ABCC5: variants seen among roughly 807,000 people sequenced by gnomAD.
The protein encoded by ABCC5 is ATP-binding cassette sub-family C member 5.
In ABCC5, 61 loss-of-function variants were observed where a neutral mutation model predicts 160.9. The observed-to-expected ratio is 0.38, with a 90% CI of 0.31 to 0.47. The LOEUF is 0.47. Among genes scored for constraint, ABCC5 ranks in the 20% least tolerant of loss-of-function variants. The pLI, the probability that ABCC5 is intolerant of heterozygous loss-of-function variation, is 0.99. For missense variants in ABCC5, 1,308 were observed against 1,813.3 expected (o/e 0.72, Z 5.06); for synonymous variants, 666 against 700.6 (o/e 0.95, Z 0.78).
At position 183,971,871 on chromosome 3, in the gene ABCC5, T is replaced by C; in HGVS notation, c.1453A>G (p.Ser485Gly). 2 of 1,614,202 alleles carry C rather than the reference T, an allele frequency of 1.2e-6. No homozygotes were observed. The highest frequency in any genetic ancestry group is 1.7e-6 in the Non-Finnish European group (2 of 1,180,042). ...TTCATCTCTATCTTGATGTGAGGAC[T>C]GGCTGGTTTGTTCTTTATCATGTGA... is the stretch of plus-strand genomic sequence containing the variant. ...EVHMIKNKPA[S>G]PHIKIEMKNA... The change falls in exon 11 of 30, where the codon AGT becomes GGT. Residue 485 changes from serine (S) to glycine (G), a missense_variant. By Grantham distance (56) the Ser-to-Gly change is moderately conservative. Coordinates refer to ENST00000334444, the MANE Select transcript of ABCC5 (RefSeq NM_005688.4).
chr3:183,990,780 ACAAAAGTGCATG>A (rs113691647), intron 2 of ABCC5, among the ~76,000 whole-genome samples: 12,143 of 152,244 alleles, frequency 0.08, 1,638 homozygotes, highest in African/African-American at 0.28. Context: ...CATTAGATTA[ACAAAAGTGCATG>A]CAAAAGTGCA....
rs373217573 is a variant in ABCC5 at position 184,017,486 on chromosome 3, C to G, written c.-56+344G>C. The G allele has an allele frequency of 1.3e-5, 2 of 152,162 alleles. No individual in the cohort carries two copies. The highest frequency in any genetic ancestry group is 3.9e-4 in the East Asian group (2 of 5,168). The allele number at this position is 152,162 out of a possible 1,614,324, so 9.4% of individuals were successfully genotyped here. ...CGGGCCCTAGGGCGTTCCCACAGCC[C>G]GCTCCGGCCTGCCCAGGCGAGCGCG... On this transcript the variant is annotated intron_variant, in intron 1 of 29. Transcript: ENST00000334444. This position sits in a 1 kb window ranked among gnomAD's most constrained non-coding sequence, Gnocchi z 4.5.
rs546376537 is a variant in ABCC5, at chr3:183,957,372, G to A, written c.2482+2361C>T. Among the ~76,000 whole-genome samples, 44 of 129,770 alleles carry A rather than the reference G, an allele frequency of 3.4e-4. 2 individuals are homozygous for A. The highest frequency in any genetic ancestry group is 5.6e-4 in the Non-Finnish European group (34 of 60,202). The allele number at this position is 129,770 out of a possible 152,430, so 85.1% of individuals were successfully genotyped here. ...ACATCGGTTACATGCGGGTCCGTGTGTATATCACATCGGTTACATGCTTAT... is the reference window on the plus strand; with the variant it reads ...ACATCGGTTACATGCGGGTCCGTGTATATATCACATCGGTTACATGCTTAT... On this transcript the variant is annotated intron_variant, in intron 17 of 29. Coordinates refer to ENST00000334444, the MANE Select transcript of ABCC5 (RefSeq NM_005688.4).
chr3:183,978,421 T>C, intron 9 of ABCC5, 82 bp downstream of exon 9: 2 of 1,531,078 alleles, frequency 1.3e-6, no homozygotes, highest in Non-Finnish European at 1.8e-6. Flanking sequence ...CTCCACCACC[T>C]GGGTTCAAGT....
At chr3:183,983,858 A>T in intron 5 of ABCC5, 1 of 985,510 alleles carries the variant, frequency 1.0e-6, no homozygotes, top group Non-Finnish European at 1.2e-6. Flanking sequence ...AGTAACATAC[A>T]TTGAAACATA....
chr3:183,959,196 A>C (rs571775012), intron 17 of ABCC5, among the ~76,000 whole-genome samples: 1 of 152,274 alleles, frequency 6.6e-6, no homozygotes, highest in South Asian at 2.1e-4. Context: ...TGATAACATA[A>C]AGGGTTTAAG....
chr3:183,968,590 C>T (rs1717444664), intron 11 of ABCC5, among the ~76,000 whole-genome samples: 1 of 152,084 alleles, frequency 6.6e-6, no homozygotes, highest in Non-Finnish European at 1.5e-5. Flanking sequence ...ACCATCAATC[C>T]CACAAAAAAG....
In ABCC5 at chr3:183,984,941, C is replaced by T. The variant is rs1436985475; in HGVS notation, c.592-1934G>A. ...GCCTTGGGCTCCTTCCTTCCCATAC[C>T]TTTAGAGTGCCATTTTTCAGCACTG... On this transcript the variant is annotated intron_variant, in intron 5 of 29. Transcript: ENST00000334444. 6.7e-6 allele frequency: 10 copies of T among 1,501,978 alleles called. No homozygotes were observed. In the Middle Eastern group the frequency reaches 1.2e-3, roughly 178 times the overall value. The allele number at this position is 1,501,978 out of a possible 1,614,324, so 93.0% of individuals were successfully genotyped here. A position where few individuals can be genotyped will look rare whatever the true frequency, so the allele number is the denominator to read the frequency against.
chr3:183,967,009 G>GTT (rs112821645), intron 12 of ABCC5, among the ~76,000 whole-genome samples: 8 of 143,310 alleles, frequency 5.6e-5, no homozygotes, highest in Non-Finnish European at 1.1e-4. Context: ...TGGGCACCTT[G>GTT]TTTTTTTTTT....
chr3:183,920,975 G>T lies in ABCC5; in HGVS notation c.*325C>A. ...GCTTACATTTTCACTGTAAATATAG[G>T]CTATGTACAGAATTATATATAGATA... On this transcript the variant is annotated 3_prime_UTR_variant, in exon 30 of 30. Coordinates refer to ENST00000334444, the MANE Select transcript of ABCC5 (RefSeq NM_005688.4). This position sits in a 1 kb window ranked among gnomAD's most constrained non-coding sequence, Gnocchi z 4.1. 5.3e-6 allele frequency: 1 copy of T among 189,318 alleles called. No homozygotes were observed. Among genetic ancestry groups the T allele is most frequent in the South Asian group, 1.8e-4 (1 of 5,644 alleles). 11.7% of individuals were successfully genotyped at this position (189,318 alleles called of 1,614,324 possible).
intron 26 of ABCC5, among the ~76,000 whole-genome samples, chr3:183,936,242 G>A (rs1046393681): frequency 5.3e-5 from 8 of 151,992 alleles, no homozygotes; most frequent in African/African-American, 1.9e-4. Context: ...CCAGGAAGAC[G>A]GCCCTCAGCA....
At chr3:183,999,217 T>C (rs1720545530) in intron 2 of ABCC5, among the ~76,000 whole-genome samples, 1 of 151,748 alleles carries the variant, frequency 6.6e-6, no homozygotes, top group African/African-American at 2.4e-5. Flanking sequence ...TCTCTTCCTC[T>C]CTAGGCTTCC....
intron 10 of ABCC5, among the ~76,000 whole-genome samples, chr3:183,976,900 T>C (rs942207158): frequency 6.6e-6 from 1 of 152,186 alleles, no homozygotes; most frequent in East Asian, 1.9e-4. Flanking sequence ...CCCTCCCAAA[T>C]ATACTCCCTT....
At chr3:183,970,617 T>C (rs965411076) in intron 11 of ABCC5, among the ~76,000 whole-genome samples, 1 of 152,028 alleles carries the variant, frequency 6.6e-6, no homozygotes, top group African/African-American at 2.4e-5. Flanking sequence ...TCCTAGTTGT[T>C]GTAGAGACAG....
At chr3:183,965,590 G>A (rs979636184) in intron 12 of ABCC5, 89 bp from the exon 13 acceptor site, 1 of 1,541,444 alleles carries the variant, frequency 6.5e-7, no homozygotes, top group Non-Finnish European at 8.8e-7. Context: ...ATGGAATCTA[G>A]CTCTGGTAAT....
intron 1 of ABCC5, among the ~76,000 whole-genome samples, 159 bp from the exon 2 acceptor site, chr3:184,014,606 A>G (rs1468694800): frequency 6.6e-6 from 1 of 152,032 alleles, no homozygotes; most frequent in African/African-American, 2.4e-5. Flanking sequence ...AAGTTCAAAG[A>G]TTTTGATTTC....
chr3:183,923,354 A>G (rs182545998), intron 29 of ABCC5, among the ~76,000 whole-genome samples: 36 of 152,194 alleles, frequency 2.4e-4, no homozygotes, highest in Non-Finnish European at 1.2e-4. Flanking sequence ...TGGGCACAGT[A>G]GCTTGTGCCT....
Position 183,988,450 on chromosome 3 carries a change from GCCGC to G in ABCC5, c.443+118_443+121del. The stretch of plus-strand genomic sequence containing the variant: ...AGAGCAAAGAGAAAGTCATCCCCAG[GCCGC>G]CCGCCCTCCACTGGACAGCTCGGCT... On this transcript the variant is annotated intron_variant, in intron 4 of 29. Transcript: ENST00000334444. The surrounding 1 kb of genome is among the most constrained non-coding windows in gnomAD (Gnocchi z 4.4). 8.0e-7 allele frequency: 1 copy of G among 1,245,068 alleles called. No individual in the cohort carries two copies. Among genetic ancestry groups the G allele is most frequent in the Non-Finnish European group, 1.1e-6 (1 of 910,642 alleles). The allele number at this position is 1,245,068 out of a possible 1,614,324, so 77.1% of individuals were successfully genotyped here.
Position 183,925,571 on chromosome 3 carries a change from A to C in ABCC5, c.4196T>G (p.Val1399Gly). ...HTVLGSDRIM[V>G]LAQGQVVEFD... ...ACTCGGTACCTGTCCCTGGGCCAGC[A>C]CCATAATCCTATCGGAGCCTAGAAC... The change falls in exon 29 of 30, where the codon GTG (valine) becomes GGG (glycine). Residue 1399 changes from valine (V) to glycine (G), a missense_variant. Val to Gly is a moderately radical substitution (Grantham distance 109). Coordinates refer to ENST00000334444, the MANE Select transcript of ABCC5 (RefSeq NM_005688.4). The C allele has an allele frequency of 6.2e-7, 1 of 1,613,712 alleles. No homozygotes were observed. Among genetic ancestry groups the C allele is most frequent in the Non-Finnish European group, 8.5e-7 (1 of 1,179,908 alleles).
Sources: allele counts gnomAD v4.1 joint callset (sites outside exome capture counted in the v4.1 genomes callset), GRCh38; gene constraint gnomAD v4.1.1; non-coding constraint Gnocchi (gnomAD v3.1); transcripts MANE v1.5; gene names NCBI Gene and HGNC (gene_info 2026-07-23, HGNC 2026-07-21).